Variants in DHRS4L2 observed in about 807,000 individuals in gnomAD.
The protein encoded by DHRS4L2 is dehydrogenase/reductase 4 like 2.
Under a neutral mutation model 23.9 loss-of-function variants are expected in DHRS4L2, and 22 were observed. That is an observed-to-expected ratio of 0.92 (90% CI 0.66 to 1.31). DHRS4L2 has a LOEUF of 1.31. DHRS4L2 is among the 40% of genes most tolerant of loss of function. The pLI, the probability that DHRS4L2 is intolerant of heterozygous loss-of-function variation, is 0.00. For synonymous variants in DHRS4L2, 141 were observed against 123.7 expected, an observed-to-expected ratio of 1.14 and a Z score of -0.93; for missense variants, 385 against 303.3, an observed-to-expected ratio of 1.27 and a Z score of -2.00.
At chr14:23,986,815 C>A (rs770565546), upstream of DHRS4L2, among the ~76,000 whole-genome samples, 1 of 151,462 alleles carries the variant, frequency 6.6e-6, no homozygotes, top group Non-Finnish European at 1.5e-5. Context: ...CCCCCCAGCC[C>A]CACACAGATG....
intron 1 of DHRS4L2, among the ~76,000 whole-genome samples, chr14:23,983,648 T>TA (rs2034090960): frequency 6.6e-6 from 1 of 151,714 alleles, no homozygotes; most frequent in African/African-American, 2.4e-5. Flanking sequence ...CCATCAATGA[T>TA]AGACTGCATA....
At position 23,994,898 on chromosome 14, in the gene DHRS4L2, C is replaced by A. The variant is rs538459915; in HGVS notation, c.307-134C>A. 2.4e-4 allele frequency: 249 copies of A among 1,055,024 alleles called. 2 individuals carry two copies. Among genetic ancestry groups the A allele is most frequent in the Non-Finnish European group, 3.3e-4 (230 of 707,360 alleles). 65.4% of individuals were successfully genotyped at this position (1,055,024 alleles called of 1,614,324 possible). ...TCCTCAGCTCAAGTGAGCCTCCCAC[C>A]TTGGCCTCCCAAAGTGCTATGATTA... is the stretch of plus-strand genomic sequence containing the variant. On this transcript the variant is annotated intron_variant, in intron 2 of 7. Transcript: ENST00000335125.
intron 7 of DHRS4L2, 89 bp from the exon 8 acceptor site, chr14:24,005,797 G>C (rs1340314687): frequency 4.5e-6 from 7 of 1,558,136 alleles, no homozygotes; most frequent in South Asian, 1.2e-5. Context: ...GATAATTCTT[G>C]ATTAAGCAAA....
At chr14:23,987,494 C>A (rs1218306173), upstream of DHRS4L2, among the ~76,000 whole-genome samples, 4 of 151,578 alleles carry the variant, frequency 2.6e-5, no homozygotes, top group Admixed American at 6.6e-5. Flanking sequence ...CTTGAGCAAA[C>A]ATGAATTCTA....
chr14:23,987,548 T>G (rs949206622), upstream of DHRS4L2, among the ~76,000 whole-genome samples: 51 of 151,652 alleles, frequency 3.4e-4, no homozygotes, highest in African/African-American at 1.1e-3. Context: ...ACCAGGATTC[T>G]TTCCCCTCTA....
upstream of DHRS4L2, chr14:23,988,689 C>G (rs1436490986): frequency 2.0e-6 from 2 of 993,680 alleles, no homozygotes; most frequent in Non-Finnish European, 2.6e-6. Context: ...AGGGGCGAGC[C>G]CTACAGGCAA....
chr14:23,999,367 A>AAAC lies in DHRS4L2; in HGVS notation c.409-1494_409-1493insCAA, dbSNP rs1555330043. ...TGTAAAAAAAAAAAAAAAAAAAAAAAAAAAAAACAATATCTGCAAAGCATA... is the reference window on the plus strand; with the variant it reads ...TGTAAAAAAAAAAAAAAAAAAAAAAAAACAAAAAAACAATATCTGCAAAGCATA... On this transcript the variant is annotated intron_variant, in intron 3 of 7. Coordinates refer to ENST00000335125, the MANE Select transcript of DHRS4L2 (RefSeq NM_198083.4). 1.2e-3 allele frequency among the ~76,000 whole-genome samples: 136 copies of AAAC among 116,796 alleles called. 6 individuals are homozygous for AAAC. Among genetic ancestry groups the AAAC allele is most frequent in the East Asian group, 8.2e-3 (28 of 3,408 alleles). The allele number at this position is 116,796 out of a possible 152,430, so 76.6% of individuals were successfully genotyped here. A position where few individuals can be genotyped will look rare whatever the true frequency, so the allele number is the denominator to read the frequency against.
chr14:23,970,066 C>G (rs1210956667), exon 1 of DHRS4L2: 16 of 456,506 alleles, frequency 3.5e-5, no homozygotes, highest in Middle Eastern at 3.6e-4. Context: ...GCGGCGGCTC[C>G]TCTGCAGCAG....
chr14:23,989,549 T>A (rs2034222766), intron 1 of DHRS4L2, among the ~76,000 whole-genome samples: 1 of 151,576 alleles, frequency 6.6e-6, no homozygotes, highest in African/African-American at 2.4e-5. Context: ...GGTCGGTACA[T>A]CTGGGCCTAC....
At chr14:23,983,969 C>T (rs530295208), upstream of DHRS4L2, among the ~76,000 whole-genome samples, 7 of 151,090 alleles carry the variant, frequency 4.6e-5, no homozygotes, top group South Asian at 2.1e-4. Context: ...CACCATGGCA[C>T]GTTTATACCT....
At chr14:23,982,150 T>C (rs1285063595) in intron 1 of DHRS4L2, among the ~76,000 whole-genome samples, 2 of 151,676 alleles carry the variant, frequency 1.3e-5, no homozygotes, top group East Asian at 1.9e-4. Flanking sequence ...GGGAGAAACC[T>C]TGGACAGTAA....
chr14:24,004,681 T>C (rs1594480099), intron 7 of DHRS4L2: 5 of 575,870 alleles, frequency 8.7e-6, no homozygotes, highest in Middle Eastern at 9.5e-4. Flanking sequence ...TGAGCATCCA[T>C]GGAGACCAGG....
rs776108866 is a variant in DHRS4L2, at chr14:24,001,398, CA to C, written c.548del (p.Asn183MetfsTer16). 1 of 1,607,562 alleles carries C rather than the reference CA, an allele frequency of 6.2e-7. No homozygotes were observed. The highest frequency in any genetic ancestry group is 2.2e-5 in the East Asian group (1 of 44,456). On this transcript the variant is annotated frameshift_variant, in exon 6 of 8. Transcript: ENST00000335125. LOFTEE classifies it high-confidence loss of function. ...TCTTTCTCCAGGGCTTCAGTCCTTA[CA>C]ATGTCAGTAAAACAGCCTTGCTGGG... Reference protein sequence around the residue: ...FSPSPGFSPYNVSKTALLGLN... With the variant: ...FSPSPGFSPYXVSKTALLGLN...
chr14:24,004,269 T>TAAA (rs750912070), intron 6 of DHRS4L2, 68 bp from the exon 7 acceptor site: 384 of 1,329,204 alleles, frequency 2.9e-4, no homozygotes, highest in African/African-American at 8.2e-4. Flanking sequence ...ACTCCGTCTC[T>TAAA]AAAAAAAAAA....
At chr14:23,971,182 G>C (rs1442129819) in intron 1 of DHRS4L2, among the ~76,000 whole-genome samples, 1 of 151,966 alleles carries the variant, frequency 6.6e-6, no homozygotes, top group Non-Finnish European at 1.5e-5. Flanking sequence ...GCTTCAGAAG[G>C]TCAGTAATAA....
chr14:23,981,011 C>G (rs1566488634), intron 1 of DHRS4L2, among the ~76,000 whole-genome samples: 1 of 151,714 alleles, frequency 6.6e-6, no homozygotes. Flanking sequence ...AAGAGGAAGT[C>G]AAATTGTCTC....
At chr14:23,986,606 C>T (rs757145200), upstream of DHRS4L2, among the ~76,000 whole-genome samples, 22 of 151,558 alleles carry the variant, frequency 1.5e-4, no homozygotes, top group Non-Finnish European at 2.2e-4. Flanking sequence ...GTTCACCAAG[C>T]TCCCAAGCCA....
intron 2 of DHRS4L2, among the ~76,000 whole-genome samples, chr14:23,992,564 A>G (rs2034291804): frequency 7.3e-5 from 11 of 151,364 alleles, no homozygotes; most frequent in Admixed American, 7.2e-4. Flanking sequence ...AAACCAGAGT[A>G]GCTGCCTATC....
chr14:23,984,633 A>G (rs1222591837), upstream of DHRS4L2, among the ~76,000 whole-genome samples: 1 of 151,108 alleles, frequency 6.6e-6, no homozygotes, highest in African/African-American at 2.4e-5. Flanking sequence ...CATCTCTACT[A>G]AAAATACAAA....
Sources: allele counts gnomAD v4.1 joint callset (sites outside exome capture counted in the v4.1 genomes callset), GRCh38; gene constraint gnomAD v4.1.1; transcripts MANE v1.5; gene names NCBI Gene and HGNC (gene_info 2026-07-23, HGNC 2026-07-21).